CLSTN2: variants seen among roughly 807,000 people sequenced by gnomAD.
The protein encoded by CLSTN2 is calsyntenin 2.
A neutral mutation model predicts 101.2 loss-of-function variants in CLSTN2; 48 were observed. That is an observed-to-expected ratio of 0.47 (90% confidence interval 0.38 to 0.60). The LOEUF (loss-of-function observed/expected upper bound fraction) is 0.60, where lower values mean the gene tolerates loss of function less well. Among genes scored for constraint, CLSTN2 ranks in the 20% least tolerant of loss-of-function variants. The probability of loss-of-function intolerance (pLI) is 0.00; values close to 1 mark genes in which losing one functional copy is unlikely to be tolerated. For missense variants in CLSTN2, 1,160 were observed against 1,238.2 expected, an observed-to-expected ratio of 0.94 and a Z score of 0.95; for synonymous variants, 481 against 463.6, an observed-to-expected ratio of 1.04 and a Z score of -0.48.
rs539533795 is a variant in CLSTN2 at position 140,109,934 on chromosome 3, G to GGA, written c.110-66017_110-66016insGA. 5.0e-3 allele frequency among the ~76,000 whole-genome samples: 767 copies of GGA among 152,200 alleles called. 3 individuals are homozygous for GGA. The highest frequency in any genetic ancestry group is 8.7e-3 in the Non-Finnish European group (590 of 68,006). ...ATCAGTGAAAAGAAATGTGTTAAAA[G>GGA]CACCCCAGGTTTCCTTGATCACAGT... On this transcript the variant is annotated intron_variant, in intron 1 of 16. Transcript: ENST00000458420.
At chr3:139,965,583 T>C (rs1388601004) in intron 1 of CLSTN2, among the ~76,000 whole-genome samples, 1 of 152,126 alleles carries the variant, frequency 6.6e-6, no homozygotes, top group African/African-American at 2.4e-5. Flanking sequence ...AGCTATGTCA[T>C]ATTGTATCAA....
chr3:140,297,736 T>A (rs887302400), intron 2 of CLSTN2, among the ~76,000 whole-genome samples: 2 of 152,134 alleles, frequency 1.3e-5, no homozygotes, highest in Non-Finnish European at 2.9e-5. Context: ...GTGAACAAAT[T>A]AGGAAACCAA....
intron 1 of CLSTN2, among the ~76,000 whole-genome samples, chr3:140,105,684 G>A (rs536986852): frequency 4.6e-5 from 7 of 152,272 alleles, no homozygotes; most frequent in East Asian, 1.9e-4. Context: ...TCAGACCCCC[G>A]GCACCATGGG....
chr3:140,514,799 A>G (rs1291205315), intron 8 of CLSTN2, among the ~76,000 whole-genome samples: 1 of 151,996 alleles, frequency 6.6e-6, no homozygotes, highest in Non-Finnish European at 1.5e-5. Flanking sequence ...GCCAACATCT[A>G]TTTATTTTTA....
chr3:140,063,830 G>A (rs1191775753), intron 1 of CLSTN2, among the ~76,000 whole-genome samples: 2 of 152,070 alleles, frequency 1.3e-5, no homozygotes, highest in Non-Finnish European at 2.9e-5. Flanking sequence ...ATCTGTGAAG[G>A]GGACTAATAA....
In CLSTN2 at chr3:140,133,459, T is replaced by A. The variant is rs531783804; in HGVS notation, c.110-42492T>A. On this transcript the variant is annotated intron_variant, in intron 1 of 16. Coordinates refer to ENST00000458420, the MANE Select transcript of CLSTN2 (RefSeq NM_022131.3). Reference sequence around the variant, plus strand: ...TACAGTAAGTTTCTCCATGCTCAGGTTACTTGTGTTTGTACCTAAGGTGTC... The same window carrying A: ...TACAGTAAGTTTCTCCATGCTCAGGATACTTGTGTTTGTACCTAAGGTGTC... 1.4e-4 allele frequency among the ~76,000 whole-genome samples: 21 copies of A among 152,246 alleles called. No homozygotes were observed. The South Asian group carries it at 4.4e-3, about 32-fold the overall frequency.
chr3:139,946,959 A>G (rs1237219690), intron 1 of CLSTN2, among the ~76,000 whole-genome samples: 1 of 152,222 alleles, frequency 6.6e-6, no homozygotes, highest in Non-Finnish European at 1.5e-5. Flanking sequence ...GTTTCATTGA[A>G]TATGTGTTTG....
chr3:140,240,170 CTCTCTA>C (rs1559816135), intron 2 of CLSTN2, among the ~76,000 whole-genome samples: 406 of 16,004 alleles, frequency 0.025, 5 homozygotes, highest in African/African-American at 0.032. Flanking sequence ...CTCTCTCTCT[CTCTCTA>C]TATATATATA....
intron 2 of CLSTN2, among the ~76,000 whole-genome samples, chr3:140,254,235 G>T: frequency 6.6e-6 from 1 of 152,214 alleles, no homozygotes; most frequent in East Asian, 1.9e-4. Flanking sequence ...TTTGCTTCCT[G>T]CAAGAAGAAA....
chr3:140,243,339 C>A (rs991307233), intron 2 of CLSTN2, among the ~76,000 whole-genome samples: 34 of 152,184 alleles, frequency 2.2e-4, no homozygotes, highest in African/African-American at 7.5e-4. Context: ...GAAAAGAAAC[C>A]ATTGATGGGT....
At position 140,348,700 on chromosome 3, in the gene CLSTN2, C is replaced by G. The variant is rs868250180; in HGVS notation, c.233-54929C>G. Among the ~76,000 whole-genome samples, 6 of 152,300 alleles carry G rather than the reference C, an allele frequency of 3.9e-5. No homozygotes were observed. In the South Asian group the frequency reaches 1.0e-3, roughly 26 times the overall value. Reference sequence around the variant, plus strand: ...TACAAGAAGACCTTCATATTATGCTCCAAATCACACCACATATGTAATAGC... The same window carrying G: ...TACAAGAAGACCTTCATATTATGCTGCAAATCACACCACATATGTAATAGC... On this transcript the variant is annotated intron_variant, in intron 2 of 16. Coordinates refer to ENST00000458420, the MANE Select transcript of CLSTN2 (RefSeq NM_022131.3).
chr3:140,074,900 G>A (rs567508572), intron 1 of CLSTN2, among the ~76,000 whole-genome samples: 6 of 152,078 alleles, frequency 3.9e-5, no homozygotes, highest in Non-Finnish European at 8.8e-5. Context: ...ACTCTCCACC[G>A]AACCCCGGGC....
chr3:140,013,561 A>C (rs934259159), intron 1 of CLSTN2, among the ~76,000 whole-genome samples: 2 of 150,372 alleles, frequency 1.3e-5, no homozygotes, highest in African/African-American at 4.8e-5. Context: ...AGGCTTTTTC[A>C]ATCCAAATAT....
intron 1 of CLSTN2, among the ~76,000 whole-genome samples, chr3:140,098,120 C>A (rs1465197316): frequency 6.6e-6 from 1 of 151,944 alleles, no homozygotes; most frequent in Non-Finnish European, 1.5e-5. Context: ...AAAAACAAAA[C>A]AAAACAAAAA....
intron 1 of CLSTN2, among the ~76,000 whole-genome samples, chr3:139,971,932 A>G (rs1268147813): frequency 1.3e-5 from 2 of 152,018 alleles, no homozygotes; most frequent in Non-Finnish European, 2.9e-5. Flanking sequence ...ATAGGTGTTG[A>G]GGAGGGTCAG....
intron 2 of CLSTN2, among the ~76,000 whole-genome samples, chr3:140,358,055 A>G (rs1390880025): frequency 6.6e-6 from 1 of 152,176 alleles, no homozygotes; most frequent in Non-Finnish European, 1.5e-5. Flanking sequence ...TTGATCCTCC[A>G]TCAGAGCTGA....
intron 1 of CLSTN2, among the ~76,000 whole-genome samples, chr3:140,029,237 T>C (rs961613627): frequency 6.6e-6 from 1 of 152,150 alleles, no homozygotes; most frequent in Non-Finnish European, 1.5e-5. Context: ...TTGTCTGGAG[T>C]GAAAGTGTGG....
intron 1 of CLSTN2, among the ~76,000 whole-genome samples, chr3:140,088,076 T>G (rs1479779027): frequency 3.3e-5 from 5 of 152,300 alleles, no homozygotes; most frequent in Admixed American, 2.6e-4. Context: ...AACCGTTCGT[T>G]ATGCCATGAC....
At chr3:140,006,951 A>G (rs1560068002) in intron 1 of CLSTN2, among the ~76,000 whole-genome samples, 1 of 152,144 alleles carries the variant, frequency 6.6e-6, no homozygotes, top group Non-Finnish European at 1.5e-5. Flanking sequence ...TTTAGAAAAT[A>G]AAGATTAATG....
Sources: allele counts gnomAD v4.1 joint callset (sites outside exome capture counted in the v4.1 genomes callset), GRCh38; gene constraint gnomAD v4.1.1; transcripts MANE v1.5; gene names NCBI Gene and HGNC (gene_info 2026-07-23, HGNC 2026-07-21).